The following ZNF318 variants were observed in gnomAD, a reference collection of about 807,000 sequenced individuals.
The protein encoded by ZNF318 is zinc finger protein 318.
In ZNF318, 51 loss-of-function variants were observed where a neutral mutation model predicts 124.2. That is an observed-to-expected ratio of 0.41 (90% CI 0.33 to 0.52). ZNF318 has a LOEUF of 0.52. Among genes scored for constraint, ZNF318 ranks in the 20% least tolerant of loss-of-function variants. The probability of loss-of-function intolerance (pLI) is 0.23; values close to 1 mark genes in which losing one functional copy is unlikely to be tolerated. For missense variants in ZNF318, 2,815 were observed against 2,811.2 expected, an observed-to-expected ratio of 1.00 and a Z score of -0.03; for synonymous variants, 1,090 against 1,040.7, an observed-to-expected ratio of 1.05 and a Z score of -0.91.
intron 6 of ZNF318, among the ~76,000 whole-genome samples, chr6:43,343,328 T>C (rs1486581526): frequency 1.3e-5 from 2 of 152,094 alleles, no homozygotes; most frequent in African/African-American, 2.4e-5. Flanking sequence ...GAAAAGGTAA[T>C]TGACAGGCTA....
At chr6:43,345,427 A>G (rs1779426848) in intron 6 of ZNF318, among the ~76,000 whole-genome samples, 1 of 152,172 alleles carries the variant, frequency 6.6e-6, no homozygotes, top group African/African-American at 2.4e-5. Context: ...CTGTGGACAT[A>G]ATATTCCTTA....
At chr6:43,368,348 TTG>T (rs1232888781) in intron 1 of ZNF318, among the ~76,000 whole-genome samples, 1 of 152,172 alleles carries the variant, frequency 6.6e-6, no homozygotes, top group Non-Finnish European at 1.5e-5. Context: ...CTTCAAAGAC[TTG>T]TGAGGGTTAA....
At position 43,338,298 on chromosome 6, in the gene ZNF318, T is replaced by C; in HGVS notation, c.5700A>G (p.Ser1900=). The C allele has an allele frequency of 6.2e-7, 1 of 1,614,242 alleles. No homozygotes were observed. The highest frequency in any genetic ancestry group is 1.6e-4 in the Middle Eastern group (1 of 6,062). ...PELLLHSPAR[S]AMCLTGSPQE... ...GTGGACTACCTGTTAAACACATAGC[T>C]GATCTGGCTGGGGAATGAAGCAGCA... The change falls in exon 10 of 10, where the codon TCA becomes TCG. Residue 1900 remains serine, a synonymous_variant. Coordinates refer to ENST00000361428, the MANE Select transcript of ZNF318 (RefSeq NM_014345.3).
chr6:43,358,957 G>C (rs1779647111), intron 2 of ZNF318, among the ~76,000 whole-genome samples: 1 of 152,140 alleles, frequency 6.6e-6, no homozygotes, highest in South Asian at 2.1e-4. Context: ...CAGGGCTCTT[G>C]ACCTTCTATC....
intron 1 of ZNF318, 34 bp downstream of exon 1, chr6:43,368,933 G>T: frequency 7.4e-7 from 1 of 1,347,824 alleles, no homozygotes; most frequent in Non-Finnish European, 9.6e-7. Context: ...GGGACTGGGG[G>T]ATGGAGGGAG....
rs1460925141 is a variant in ZNF318, at chr6:43,337,634, C to G, written c.6364G>C (p.Gly2122Arg). The change falls in exon 10 of 10, where the codon GGA becomes CGA. Residue 2122 changes from glycine (G) to arginine (R), a missense_variant. Transcript: ENST00000361428. Reference protein sequence around the residue: ...NVDRGLGGLEGTHQALDLLAG... With the variant: ...NVDRGLGGLERTHQALDLLAG... ...AACAGGTCAAGGGCCTGGTGTGTTC[C>G]CTCTAGGCCCCCCAAGCCACGGTCA... 9.9e-6 allele frequency: 16 copies of G among 1,614,028 alleles called. No individual in the cohort carries two copies. The highest frequency in any genetic ancestry group is 1.4e-5 in the Non-Finnish European group (16 of 1,179,990).
intron 9 of ZNF318, 99 bp downstream of exon 9, chr6:43,340,691 A>AAGTG: frequency 6.6e-7 from 1 of 1,521,072 alleles, no homozygotes; most frequent in Non-Finnish European, 9.0e-7. Context: ...ATGGAATTTG[A>AAGTG]AGTGTCAATG....
rs778598699 is a variant in ZNF318 at position 43,355,637 on chromosome 6, T to C, written c.1697A>G (p.Lys566Arg). 3.7e-6 allele frequency: 6 copies of C among 1,614,222 alleles called. No homozygotes were observed. The highest frequency in any genetic ancestry group is 5.1e-6 in the Non-Finnish European group (6 of 1,180,036). The change falls in exon 4 of 10, where the codon AAG (lysine) becomes AGG (arginine). Residue 566 changes from lysine to arginine, a missense_variant. Transcript: ENST00000361428. Reference sequence around the variant, plus strand: ...AGCTGAAGACGGCAGGGAGCTTGCCTTCTGCCTCATAACTTCACTCTCAGA... The same window carrying C: ...AGCTGAAGACGGCAGGGAGCTTGCCCTCTGCCTCATAACTTCACTCTCAGA... ...GSSESEVMRQ[K>R]ASSLPSSAPA...
At chr6:43,363,562 G>A (rs766006318) in intron 2 of ZNF318, 9 of 288,040 alleles carry the variant, frequency 3.1e-5, no homozygotes, top group Non-Finnish European at 5.8e-5. Flanking sequence ...CTGAGGCCAC[G>A]GAGCTCGTGG....
intron 6 of ZNF318, among the ~76,000 whole-genome samples, chr6:43,345,052 C>T (rs1562130117): frequency 6.6e-6 from 1 of 151,656 alleles, no homozygotes; most frequent in Non-Finnish European, 1.5e-5. Context: ...CGGGACCAGC[C>T]TTGGAAACAT....
At chr6:43,367,819 C>T (rs1260071656) in intron 1 of ZNF318, among the ~76,000 whole-genome samples, 4 of 152,148 alleles carry the variant, frequency 2.6e-5, no homozygotes, top group Non-Finnish European at 5.9e-5. Context: ...ACAGTACTTA[C>T]ATACATGTTA....
Position 43,339,155 on chromosome 6 carries a change from TAGAAG to T in ZNF318, c.4838_4842del (p.Ser1613TyrfsTer17). On this transcript the variant is annotated frameshift_variant, in exon 10 of 10. Transcript: ENST00000361428. LOFTEE classifies it low-confidence loss of function (END_TRUNC). The surrounding 1 kb of genome is among the most constrained non-coding windows in gnomAD (Gnocchi z 4.2). ...GATGCACTGCTGTTCAAAGGAGAAG[TAGAAG>T]AGGTGTCTGAACTTTTGGTTCTAGA... 6.2e-7 allele frequency: 1 copy of T among 1,614,170 alleles called. No individual in the cohort carries two copies.
rs550287106 is a variant in ZNF318 at position 43,352,018 on chromosome 6, C to T, written c.2770+359G>A. 3.3e-5 allele frequency among the ~76,000 whole-genome samples: 5 copies of T among 152,026 alleles called. No homozygotes were observed. In the South Asian group the frequency reaches 1.0e-3, roughly 32 times the overall value. ...AATTAGCTGGGCATGGTGGCAGGTG[C>T]CTGTAATCTCAGCTACTTGGGAGGC... On this transcript the variant is annotated intron_variant, in intron 5 of 9. Transcript: ENST00000361428.
intron 9 of ZNF318, 115 bp downstream of exon 9, chr6:43,340,674 AG>A: frequency 6.6e-7 from 1 of 1,511,640 alleles, no homozygotes; most frequent in Non-Finnish European, 9.0e-7. Context: ...GAGAACTTAG[AG>A]GTTATATGGA....
Position 43,369,003 on chromosome 6 carries a change from G to A in ZNF318, c.363C>T (p.Asp121=). ...TGTCGCCTGGATGGTCTCCGCGGCCGTCCCGGGCATAGTCGGCGCGGGACT... is the reference window on the plus strand; with the variant it reads ...TGTCGCCTGGATGGTCTCCGCGGCCATCCCGGGCATAGTCGGCGCGGGACT... ...RGESRADYAR[D]GRGDHPGDSG... is the part of the protein sequence containing the mutation. The change falls in exon 1 of 10, where the codon GAC becomes GAT. Residue 121 remains aspartate, a synonymous_variant. Coordinates refer to ENST00000361428, the MANE Select transcript of ZNF318 (RefSeq NM_014345.3). The A allele has an allele frequency of 2.8e-6, 4 of 1,435,412 alleles. No individual in the cohort carries two copies. The highest frequency in any genetic ancestry group is 1.3e-5 in the South Asian group (1 of 74,372). The allele number at this position is 1,435,412 out of a possible 1,614,324, so 88.9% of individuals were successfully genotyped here. A position where few individuals can be genotyped will look rare whatever the true frequency, so the allele number is the denominator to read the frequency against.
chr6:43,368,831 C>T (rs1324603844), intron 1 of ZNF318, 136 bp downstream of exon 1: 2 of 1,234,138 alleles, frequency 1.6e-6, no homozygotes, highest in Non-Finnish European at 2.0e-6. Flanking sequence ...CCTCCAGGCT[C>T]GGCATCCCCG....
intron 1 of ZNF318, among the ~76,000 whole-genome samples, chr6:43,367,166 T>C (rs1779773283): frequency 1.3e-5 from 2 of 152,326 alleles, no homozygotes; most frequent in African/African-American, 4.8e-5. Context: ...TAGTACTTCT[T>C]AGTCCTTCTT....
intron 5 of ZNF318, among the ~76,000 whole-genome samples, chr6:43,349,801 A>T (rs983425906): frequency 6.6e-6 from 1 of 152,160 alleles, no homozygotes; most frequent in African/African-American, 2.4e-5. Flanking sequence ...ATTTAAGGAA[A>T]GACCAGACAC....
intron 4 of ZNF318, 49 bp downstream of exon 4, chr6:43,354,614 TA>T: frequency 1.3e-6 from 2 of 1,517,820 alleles, no homozygotes; most frequent in African/African-American, 2.8e-5. Flanking sequence ...TATACAAATT[TA>T]TGGCAAAACA....
Sources: allele counts gnomAD v4.1 joint callset (sites outside exome capture counted in the v4.1 genomes callset), GRCh38; gene constraint gnomAD v4.1.1; non-coding constraint Gnocchi (gnomAD v3.1); transcripts MANE v1.5; gene names NCBI Gene and HGNC (gene_info 2026-07-23, HGNC 2026-07-21).